Variants in MAP3K20 observed in about 807,000 individuals in gnomAD.
MAP3K20 encodes the protein HCCS-4.
A neutral mutation model predicts 85.7 loss-of-function variants in MAP3K20; 40 were observed. The observed-to-expected ratio is 0.47, with a 90% CI of 0.36 to 0.61. The LOEUF is 0.61. MAP3K20 is among the 20% of genes least tolerant of loss of function. The pLI is 0.00. For synonymous variants in MAP3K20, 325 were observed against 327.7 expected, an observed-to-expected ratio of 0.99 and a Z score of 0.09; for missense variants, 817 against 961.7, an observed-to-expected ratio of 0.85 and a Z score of 1.99.
rs138616438 is a variant in MAP3K20 at position 173,239,355 on chromosome 2, G to A, written c.1267-49G>A. 144 of 1,425,776 alleles carry A rather than the reference G, an allele frequency of 1.0e-4. No individual in the cohort carries two copies. The African/African-American group carries it at 1.6e-3, about 16-fold the overall frequency. The allele number at this position is 1,425,776 out of a possible 1,614,324, so 88.3% of individuals were successfully genotyped here. On this transcript the variant is annotated intron_variant, in intron 15 of 19. Coordinates refer to ENST00000375213, the MANE Select transcript of MAP3K20 (RefSeq NM_016653.3). Reference sequence around the variant, plus strand: ...CCAAGATATCATCTTCTTTACATGAGAAGTAAAAACAACATCTAGAATAAT... The same window carrying A: ...CCAAGATATCATCTTCTTTACATGAAAAGTAAAAACAACATCTAGAATAAT...
rs1162728873 is a variant in MAP3K20 at position 173,134,393 on chromosome 2, CATATATATATATATAT to C, written c.160-35391_160-35376del. Among the ~76,000 whole-genome samples, 15 of 12,332 alleles carry C rather than the reference CATATATATATATATAT, an allele frequency of 1.2e-3. 2 individuals are homozygous for C. The highest frequency in any genetic ancestry group is 1.4e-3 in the Non-Finnish European group (10 of 6,928). 8.1% of individuals were successfully genotyped at this position (12,332 alleles called of 152,430 possible). ...GTGTGTGTGTGTGTGTGTCTCTATA[CATATATATATATATAT>C]ATATATATATATATATATATTTTTT... On this transcript the variant is annotated intron_variant, in intron 2 of 19. Coordinates refer to ENST00000375213, the MANE Select transcript of MAP3K20 (RefSeq NM_016653.3).
chr2:173,141,080 T>C (rs1032427099), intron 2 of MAP3K20, among the ~76,000 whole-genome samples: 1 of 152,192 alleles, frequency 6.6e-6, no homozygotes, highest in Non-Finnish European at 1.5e-5. Flanking sequence ...ACCTCGCAAC[T>C]TACTTTTTGA....
chr2:173,242,847 T>C (rs1684823339), intron 16 of MAP3K20, among the ~76,000 whole-genome samples: 3 of 151,622 alleles, frequency 2.0e-5, no homozygotes, highest in Admixed American at 2.0e-4. Flanking sequence ...GCTGGGATTA[T>C]AGGGGCACAC....
chr2:173,180,477 A>C lies in MAP3K20; in HGVS notation c.248-2377A>C, dbSNP rs1264501882. On this transcript the variant is annotated intron_variant, in intron 3 of 19. Coordinates refer to ENST00000375213, the MANE Select transcript of MAP3K20 (RefSeq NM_016653.3). ...CGCTTGAGCCCAGGAGTTCAAGACC[A>C]GCCTGAGCAACATGACAAAATCCCA... 2.6e-5 allele frequency among the ~76,000 whole-genome samples: 4 copies of C among 152,282 alleles called. No homozygotes were observed. In the East Asian group the frequency reaches 7.7e-4, roughly 29 times the overall value.
Position 173,232,222 on chromosome 2 carries a change from G to A in MAP3K20, c.1063G>A (p.Gly355Ser), listed in dbSNP as rs1326922745. 1.9e-6 allele frequency: 3 copies of A among 1,614,188 alleles called. No individual in the cohort carries two copies. Among genetic ancestry groups the A allele is most frequent in the Admixed American group, 1.7e-5 (1 of 60,030 alleles). The change falls in exon 13 of 20, where the codon GGT becomes AGT. Residue 355 changes from glycine (G) to serine (S), a missense_variant and splice_region_variant. Physicochemically the swap from Gly to Ser is moderately conservative, Grantham distance 56. Transcript: ENST00000375213. ...TTGGGTTCAGCAGCTCGTCAGAAAA[G>A]GCAAGTGGAATAAGTTACCTTCTTC... is the stretch of plus-strand genomic sequence containing the variant. Reference protein sequence around the residue: ...YCWVQQLVRKGDSSAEMSVYA... With the variant: ...YCWVQQLVRKSDSSAEMSVYA...
intron 18 of MAP3K20, among the ~76,000 whole-genome samples, chr2:173,261,517 G>C (rs961656405): frequency 6.6e-6 from 1 of 152,110 alleles, no homozygotes; most frequent in East Asian, 1.9e-4. Flanking sequence ...ACGTAGACCC[G>C]GTGGGAGTGG....
chr2:173,084,147 G>C (rs1270231875), intron 1 of MAP3K20, among the ~76,000 whole-genome samples: 1 of 152,140 alleles, frequency 6.6e-6, no homozygotes, highest in African/African-American at 2.4e-5. Context: ...GAGCTCAAGT[G>C]ATCCTCCAAC....
At chr2:173,098,390 G>A (rs1263689710) in intron 2 of MAP3K20, among the ~76,000 whole-genome samples, 1 of 152,172 alleles carries the variant, frequency 6.6e-6, no homozygotes, top group African/African-American at 2.4e-5. Context: ...GACAACACAA[G>A]TGGAAAATAT....
intron 2 of MAP3K20, among the ~76,000 whole-genome samples, chr2:173,146,730 T>G (rs1574056185): frequency 6.6e-6 from 1 of 152,288 alleles, no homozygotes; most frequent in East Asian, 1.9e-4. Flanking sequence ...TACCTAAGAG[T>G]AGAAGTGATG....
At chr2:173,141,212 A>ATTAT (rs1559249063) in intron 2 of MAP3K20, among the ~76,000 whole-genome samples, 1 of 151,960 alleles carries the variant, frequency 6.6e-6, no homozygotes, top group African/African-American at 2.4e-5. Context: ...TTTTATACTA[A>ATTAT]ATTCTCGTGT....
At chr2:173,080,717 C>G (rs566332002) in intron 1 of MAP3K20, among the ~76,000 whole-genome samples, 1 of 152,292 alleles carries the variant, frequency 6.6e-6, no homozygotes, top group East Asian at 1.9e-4. Context: ...TAAGGCTTGC[C>G]TTTGGTACCC....
chr2:173,189,680 G>A (rs908685482), intron 5 of MAP3K20, among the ~76,000 whole-genome samples: 1 of 152,054 alleles, frequency 6.6e-6, no homozygotes, highest in African/African-American at 2.4e-5. Flanking sequence ...TGGCAATACT[G>A]TTTGCCCAAG....
At chr2:173,075,693 G>A (rs1205428843), upstream of MAP3K20, 1 of 955,160 alleles carries the variant, frequency 1.0e-6, no homozygotes, top group African/African-American at 1.9e-5. Flanking sequence ...GCCTCGGCGG[G>A]TGCCGGGGCG....
chr2:173,253,120 C>A (rs542457195), intron 16 of MAP3K20, among the ~76,000 whole-genome samples: 1 of 152,256 alleles, frequency 6.6e-6, no homozygotes, highest in Admixed American at 6.5e-5. Flanking sequence ...CCTGCCCACT[C>A]CAGCAGGGTC....
rs187892231 is a variant in MAP3K20 at position 173,142,995 on chromosome 2, C to T, written c.160-26810C>T. 2.6e-3 allele frequency among the ~76,000 whole-genome samples: 390 copies of T among 152,164 alleles called. 7 individuals carry two copies. Among genetic ancestry groups the T allele is most frequent in the Admixed American group, 0.023 (359 of 15,286 alleles). ...TGAGCTGTGATCACACCATCGCACT[C>T]CAGCCTGGACAGCAGAGCTAGAACC... On this transcript the variant is annotated intron_variant, in intron 2 of 19. Transcript: ENST00000375213.
chr2:173,260,117 T>C (rs1685253330), intron 17 of MAP3K20, among the ~76,000 whole-genome samples: 1 of 152,086 alleles, frequency 6.6e-6, no homozygotes, highest in Non-Finnish European at 1.5e-5. Flanking sequence ...CTGTAATCCC[T>C]GCCCTTTGGG....
chr2:173,223,374 G>A (rs1425742283), intron 11 of MAP3K20: 34 of 893,020 alleles, frequency 3.8e-5, no homozygotes, highest in South Asian at 2.1e-4. Context: ...ATCATTGTGC[G>A]GATTAAAAGA....
intron 11 of MAP3K20, chr2:173,222,642 A>T (rs1684283370): frequency 1.0e-6 from 1 of 985,280 alleles, no homozygotes; most frequent in Non-Finnish European, 1.2e-6. Flanking sequence ...ATGCTCAGCT[A>T]TTTTAAAGAG....
chr2:173,078,397 G>T (rs1307069944), intron 1 of MAP3K20, among the ~76,000 whole-genome samples: 2 of 152,150 alleles, frequency 1.3e-5, no homozygotes, highest in African/African-American at 4.8e-5. Context: ...AACAGTTAAG[G>T]CACCTTTTGG....
Sources: allele counts gnomAD v4.1 joint callset (sites outside exome capture counted in the v4.1 genomes callset), GRCh38; gene constraint gnomAD v4.1.1; transcripts MANE v1.5; gene names NCBI Gene and HGNC (gene_info 2026-07-23, HGNC 2026-07-21).